The following ADAMTSL1 variants were observed in gnomAD, a reference collection of about 807,000 sequenced individuals.
ADAMTSL1 encodes ADAMTS-like protein 1.
A neutral mutation model predicts 201.8 loss-of-function variants in ADAMTSL1; 126 were observed. The ratio of observed to expected loss-of-function variants is 0.62; its 90% CI spans 0.54 to 0.72. The LOEUF is 0.72. ADAMTSL1 is among the 30% of genes least tolerant of loss of function. The pLI, the probability that ADAMTSL1 is intolerant of heterozygous loss-of-function variation, is 0.00. For synonymous variants in ADAMTSL1, 1,121 were observed against 903.4 expected, an observed-to-expected ratio of 1.24 and a Z score of -4.32; for missense variants, 2,679 against 2,277.8, an observed-to-expected ratio of 1.18 and a Z score of -3.59.
chr9:18,380,809 C>T (rs1837524706), intron 2 of ADAMTSL1, among the ~76,000 whole-genome samples: 1 of 152,260 alleles, frequency 6.6e-6, no homozygotes, highest in African/African-American at 2.4e-5. Flanking sequence ...TTCTATTTTC[C>T]TCATTTACTA....
At chr9:18,486,249 G>A (rs1225190376) in intron 1 of ADAMTSL1, among the ~76,000 whole-genome samples, 1 of 152,164 alleles carries the variant, frequency 6.6e-6, no homozygotes, top group Non-Finnish European at 1.5e-5. Context: ...AGGTATTCGG[G>A]AACAACCAAT....
At chr9:18,209,608 C>T (rs935836065) in intron 2 of ADAMTSL1, among the ~76,000 whole-genome samples, 7 of 152,174 alleles carry the variant, frequency 4.6e-5, no homozygotes, top group Admixed American at 3.9e-4. Context: ...ATTATCATAG[C>T]TTTTCTAATT....
At chr9:18,034,038 G>T (rs111789097) in intron 1 of ADAMTSL1, among the ~76,000 whole-genome samples, 3,449 of 152,208 alleles carry the variant, frequency 0.023, 47 homozygotes, top group Middle Eastern at 0.041. Context: ...CTTACTCTCA[G>T]AGTGAGGTTC....
intron 1 of ADAMTSL1, among the ~76,000 whole-genome samples, chr9:17,927,337 C>T (rs572842904): frequency 6.6e-6 from 1 of 152,090 alleles, no homozygotes; most frequent in East Asian, 1.9e-4. Flanking sequence ...CATACATATA[C>T]ACATATATGT....
chr9:17,932,331 G>A (rs1826830661), intron 1 of ADAMTSL1, among the ~76,000 whole-genome samples: 1 of 152,164 alleles, frequency 6.6e-6, no homozygotes, highest in South Asian at 2.1e-4. Context: ...AGGGTCCCGG[G>A]TATGGAGCAG....
intron 15 of ADAMTSL1, among the ~76,000 whole-genome samples, chr9:18,741,872 C>G (rs1301191559): frequency 6.6e-6 from 1 of 152,174 alleles, no homozygotes; most frequent in African/African-American, 2.4e-5. Context: ...ACTTCAAGGT[C>G]AAGGTCTGAT....
At chr9:18,621,599 C>CACACACAG (rs1024727199) in intron 4 of ADAMTSL1, among the ~76,000 whole-genome samples, 1 of 142,330 alleles carries the variant, frequency 7.0e-6, no homozygotes, top group Non-Finnish European at 1.5e-5. Context: ...CACACACACA[C>CACACACAG]AGTAAGTTTG....
intron 23 of ADAMTSL1, among the ~76,000 whole-genome samples, chr9:18,863,778 T>TC (rs1827347630): frequency 6.6e-6 from 1 of 152,138 alleles, no homozygotes; most frequent in South Asian, 2.1e-4. Context: ...CTACTTTTGC[T>TC]CAGTCACCCC....
At chr9:18,583,058 T>A (rs1220154240) in intron 4 of ADAMTSL1, among the ~76,000 whole-genome samples, 1 of 152,172 alleles carries the variant, frequency 6.6e-6, no homozygotes, top group Non-Finnish European at 1.5e-5. Context: ...TTGCTCGGTC[T>A]TGGGTATGTT....
intron 2 of ADAMTSL1, among the ~76,000 whole-genome samples, chr9:18,520,077 A>C (rs367864635): frequency 1.8e-4 from 28 of 152,380 alleles, no homozygotes; most frequent in African/African-American, 6.3e-4. Flanking sequence ...CATACCAAAC[A>C]GTCATAATAG....
In ADAMTSL1 at chr9:18,324,470, A is replaced by G. The variant is rs532858299; in HGVS notation, c.207+160489A>G. Among the ~76,000 whole-genome samples, 19 of 152,108 alleles carry G rather than the reference A, an allele frequency of 1.2e-4. No individual in the cohort carries two copies. In the South Asian group the frequency reaches 3.7e-3, roughly 30 times the overall value. On this transcript the variant is annotated intron_variant, in intron 2 of 29. Transcript: ENST00000680146. ...TATTAAACATAAAAATGAAAAAATAACACACTACATCAGGCTAGGTGCAGT... is the reference window on the plus strand; with the variant it reads ...TATTAAACATAAAAATGAAAAAATAGCACACTACATCAGGCTAGGTGCAGT...
intron 20 of ADAMTSL1, among the ~76,000 whole-genome samples, chr9:18,799,464 C>T (rs1291136691): frequency 2.0e-5 from 3 of 152,134 alleles, no homozygotes; most frequent in Non-Finnish European, 2.9e-5. Context: ...AGTCTGGATC[C>T]GTGGAGTTTA....
chr9:18,758,146 C>A (rs1306083043), intron 16 of ADAMTSL1, among the ~76,000 whole-genome samples: 1 of 152,198 alleles, frequency 6.6e-6, no homozygotes, highest in Admixed American at 6.5e-5. Flanking sequence ...AGTGAGGAAA[C>A]CAAGTCACAA....
At chr9:18,903,844 T>C (rs1446370487) in intron 26 of ADAMTSL1, among the ~76,000 whole-genome samples, 1 of 151,180 alleles carries the variant, frequency 6.6e-6, no homozygotes, top group Non-Finnish European at 1.5e-5. Flanking sequence ...TCCCAAGACC[T>C]TTGGTTGAAA....
intron 23 of ADAMTSL1, among the ~76,000 whole-genome samples, chr9:18,842,601 T>G (rs1825795298): frequency 6.6e-6 from 1 of 152,228 alleles, no homozygotes; most frequent in African/African-American, 2.4e-5. Flanking sequence ...CTTATTAACT[T>G]TCTGTCTTGT....
chr9:18,718,497 G>T, intron 14 of ADAMTSL1: 2 of 564,244 alleles, frequency 3.5e-6, no homozygotes, highest in Non-Finnish European at 7.1e-6. Context: ...ACGCCTCCTG[G>T]GCCAAGAATG....
At chr9:18,210,677 T>C (rs889297137) in intron 2 of ADAMTSL1, among the ~76,000 whole-genome samples, 1 of 151,770 alleles carries the variant, frequency 6.6e-6, no homozygotes, top group African/African-American at 2.4e-5. Context: ...GTCAGTTTTC[T>C]ATAACTTACA....
At chr9:18,387,147 G>T (rs1837828870) in intron 2 of ADAMTSL1, among the ~76,000 whole-genome samples, 1 of 151,524 alleles carries the variant, frequency 6.6e-6, no homozygotes, top group Non-Finnish European at 1.5e-5. Context: ...TTATATTTAG[G>T]ATATAATATA....
chr9:18,311,849 T>C (rs1160920714), intron 2 of ADAMTSL1, among the ~76,000 whole-genome samples: 1 of 152,146 alleles, frequency 6.6e-6, no homozygotes, highest in Non-Finnish European at 1.5e-5. Context: ...TCTCCCTCCT[T>C]CTGCCCACAG....
Sources: allele counts gnomAD v4.1 joint callset (sites outside exome capture counted in the v4.1 genomes callset), GRCh38; gene constraint gnomAD v4.1.1; transcripts MANE v1.5; gene names NCBI Gene and HGNC (gene_info 2026-07-23, HGNC 2026-07-21).